Variants in DYM observed in about 807,000 individuals in gnomAD.
The protein encoded by DYM is dyggve-Melchior-Clausen syndrome protein.
Under a neutral mutation model 93.1 loss-of-function variants are expected in DYM, and 78 were observed. The observed-to-expected ratio is 0.84, with a 90% CI of 0.70 to 1.01. DYM has a LOEUF of 1.01. Ranked by LOEUF, DYM falls within the 50% of genes least tolerant of loss-of-function variation. The pLI is 0.00. For synonymous variants in DYM, 321 were observed against 319.7 expected (o/e 1.00, Z -0.04); for missense variants, 789 against 845.0 (o/e 0.93, Z 0.82).
intron 16 of DYM, among the ~76,000 whole-genome samples, chr18:49,104,103 A>C (rs1274731718): frequency 1.3e-5 from 2 of 152,128 alleles, no homozygotes; most frequent in Non-Finnish European, 2.9e-5. Flanking sequence ...AGTGGTTTGT[A>C]GTTCTCCTTG....
intron 13 of DYM, among the ~76,000 whole-genome samples, chr18:49,225,600 T>G (rs2093500019): frequency 6.6e-6 from 1 of 152,092 alleles, no homozygotes. Context: ...ATCTTTTCTG[T>G]GAGTTGTTTT....
intron 14 of DYM, among the ~76,000 whole-genome samples, chr18:49,193,823 T>C (rs1167082307): frequency 6.6e-6 from 1 of 152,228 alleles, no homozygotes; most frequent in Non-Finnish European, 1.5e-5. Context: ...TCATCTTTTA[T>C]AACATAGAAA....
intron 1 of DYM, among the ~76,000 whole-genome samples, chr18:49,432,427 TA>T (rs1414538002): frequency 6.7e-6 from 1 of 148,952 alleles, no homozygotes; most frequent in Non-Finnish European, 1.5e-5. Context: ...TATGGGGACA[TA>T]ATACACTAGT....
chr18:49,447,389 G>A (rs1468199154), intron 1 of DYM: 1 of 152,198 alleles, frequency 6.6e-6, no homozygotes, highest in Non-Finnish European at 1.5e-5. Context: ...TTTCTCGGCA[G>A]GCAACAACAA....
chr18:49,182,355 G>A (rs2090005940), intron 14 of DYM, among the ~76,000 whole-genome samples: 1 of 152,112 alleles, frequency 6.6e-6, no homozygotes, highest in Non-Finnish European at 1.5e-5. Flanking sequence ...CTCATTTTCT[G>A]TCTACTTTTT....
At chr18:49,292,892 G>A (rs2060253062) in intron 8 of DYM, among the ~76,000 whole-genome samples, 1 of 152,032 alleles carries the variant, frequency 6.6e-6, no homozygotes, top group Non-Finnish European at 1.5e-5. Context: ...TTGTTACATA[G>A]GTATACACGT....
At chr18:49,312,476 C>T (rs962720551) in intron 8 of DYM, among the ~76,000 whole-genome samples, 9 of 152,222 alleles carry the variant, frequency 5.9e-5, no homozygotes, top group Non-Finnish European at 2.9e-5. Flanking sequence ...TCAGCACACA[C>T]TCCCCAGTCT....
intron 13 of DYM, among the ~76,000 whole-genome samples, chr18:49,252,907 T>C (rs1281879677): frequency 1.3e-5 from 2 of 152,128 alleles, no homozygotes; most frequent in African/African-American, 4.8e-5. Context: ...GCAGCAAATA[T>C]GCACACTTAT....
Position 49,408,063 on chromosome 18 carries a change from C to CAA in DYM, c.141-16420_141-16419dup, listed in dbSNP as rs34147044. 4.9e-3 allele frequency among the ~76,000 whole-genome samples: 612 copies of CAA among 125,540 alleles called. 4 individuals are homozygous for CAA. The highest frequency in any genetic ancestry group is 6.7e-3 in the African/African-American group (212 of 31,824). 82.4% of individuals were successfully genotyped at this position (125,540 alleles called of 152,430 possible). A position where few individuals can be genotyped will look rare whatever the true frequency, so the allele number is the denominator to read the frequency against. On this transcript the variant is annotated intron_variant, in intron 2 of 17. Transcript: ENST00000675505. ...TGGGCAACATAGCAAGACCTCATCT[C>CAA]AAAAAAAAAAAAAAAACTGAACCAT...
chr18:49,385,523 C>A (rs542863922), intron 3 of DYM, among the ~76,000 whole-genome samples: 1 of 152,082 alleles, frequency 6.6e-6, no homozygotes, highest in Non-Finnish European at 1.5e-5. Flanking sequence ...TGGTGAAACT[C>A]CAACTCTACT....
At chr18:49,445,867 A>AG (rs1415110289) in intron 1 of DYM, among the ~76,000 whole-genome samples, 5 of 152,150 alleles carry the variant, frequency 3.3e-5, no homozygotes, top group African/African-American at 1.2e-4. Flanking sequence ...GGGGGAGGGA[A>AG]GGGGAAACAT....
intron 10 of DYM, among the ~76,000 whole-genome samples, chr18:49,277,714 G>A (rs1184110863): frequency 6.6e-5 from 10 of 152,174 alleles, no homozygotes; most frequent in Admixed American, 6.6e-4. Flanking sequence ...AGACTCCAAG[G>A]GGGCTGACAT....
At chr18:49,289,516 A>G (rs529917653) in intron 8 of DYM, among the ~76,000 whole-genome samples, 1 of 149,046 alleles carries the variant, frequency 6.7e-6, no homozygotes, top group South Asian at 2.1e-4. Flanking sequence ...AGCCTGGGCA[A>G]CACAGTGAGA....
At chr18:49,320,569 G>T (rs476201) in intron 8 of DYM, among the ~76,000 whole-genome samples, 1 of 151,906 alleles carries the variant, frequency 6.6e-6, no homozygotes, top group Admixed American at 6.6e-5. Flanking sequence ...TCATCTCCCG[G>T]GTTCAAGTAA....
chr18:49,276,451 T>C (rs559224641), intron 10 of DYM, among the ~76,000 whole-genome samples: 1 of 152,132 alleles, frequency 6.6e-6, no homozygotes, highest in African/African-American at 2.4e-5. Flanking sequence ...ATTACTTTTA[T>C]AATAGCACTT....
intron 17 of DYM, among the ~76,000 whole-genome samples, chr18:49,091,187 G>C (rs1392375241): frequency 2.6e-5 from 4 of 152,016 alleles, no homozygotes; most frequent in Non-Finnish European, 2.9e-5. Context: ...AAATATTAAA[G>C]TGCCCAGTAT....
intron 15 of DYM, among the ~76,000 whole-genome samples, chr18:49,162,117 T>C (rs926133001): frequency 6.6e-6 from 1 of 152,184 alleles, no homozygotes; most frequent in African/African-American, 2.4e-5. Flanking sequence ...TCACAGGTAG[T>C]CACACTACTT....
intron 14 of DYM, among the ~76,000 whole-genome samples, chr18:49,167,436 G>C (rs2145168340): frequency 6.6e-6 from 1 of 152,132 alleles, no homozygotes; most frequent in East Asian, 1.9e-4. Flanking sequence ...CTCCATCGAA[G>C]AGAAACAGAG....
intron 17 of DYM, among the ~76,000 whole-genome samples, chr18:49,053,367 C>T (rs1172519344): frequency 6.6e-6 from 1 of 152,102 alleles, no homozygotes; most frequent in Non-Finnish European, 1.5e-5. Context: ...CCCCCTTCCA[C>T]CTAAAGATGA....
Sources: gnomAD v4.1 joint callset for allele counts (sites outside exome capture counted in the v4.1 genomes callset) on GRCh38, gnomAD v4.1.1 for gene constraint, MANE v1.5 for transcripts, NCBI Gene and HGNC (gene_info 2026-07-23, HGNC 2026-07-21) for gene names.